Variants in DYNC2H1 observed in about 807,000 individuals in gnomAD.
DYNC2H1 encodes dynein cytoplasmic 2 heavy chain 1.
Under a neutral mutation model 570.0 loss-of-function variants are expected in DYNC2H1, and 410 were observed. The observed-to-expected ratio is 0.72, with a 90% CI of 0.66 to 0.78. The LOEUF (loss-of-function observed/expected upper bound fraction) is 0.78. Among genes scored for constraint, DYNC2H1 ranks in the 30% least tolerant of loss-of-function variants. DYNC2H1 has a pLI of 0.00. For missense variants in DYNC2H1, 4,865 were observed against 5,046.4 expected (o/e 0.96, Z 1.09); for synonymous variants, 1,688 against 1,677.6 (o/e 1.01, Z -0.15).
intron 84 of DYNC2H1, among the ~76,000 whole-genome samples, chr11:103,427,751 T>G (rs1319342667): frequency 6.6e-6 from 1 of 152,124 alleles, no homozygotes; most frequent in East Asian, 1.9e-4. Flanking sequence ...TCCATTCTCA[T>G]GAGCTTATTA....
chr11:103,385,587 G>A lies in DYNC2H1; in HGVS notation c.12157-14076G>A, dbSNP rs531382834. Among the ~76,000 whole-genome samples the A allele has an allele frequency of 5.9e-5, 9 of 152,208 alleles. No homozygotes were observed. The South Asian group carries it at 1.4e-3, about 25-fold the overall frequency. On this transcript the variant is annotated intron_variant, in intron 83 of 88. Coordinates refer to ENST00000375735, the MANE Select transcript of DYNC2H1 (RefSeq NM_001377.3). ...AAAACTTATATTAGCTTCCAGAAAA[G>A]GGCCAAAGGGCCTAAAATCCTATAT...
chr11:103,121,407 A>G lies in DYNC2H1; in HGVS notation c.1396A>G (p.Ile466Val). 1.2e-6 allele frequency: 2 copies of G among 1,612,902 alleles called. No individual in the cohort carries two copies. The highest frequency in any genetic ancestry group is 1.1e-5 in the South Asian group (1 of 90,776). The change falls in exon 10 of 89, where the codon ATT becomes GTT. Residue 466 changes from isoleucine (I) to valine (V), a missense_variant. Ile to Val is a conservative substitution (Grantham distance 29). Around this residue, in one of 5 missense-constraint regions of DYNC2H1, gnomAD observed 1,936 missense variants for 1,962.1 expected, o/e 0.99. Coordinates refer to ENST00000375735, the MANE Select transcript of DYNC2H1 (RefSeq NM_001377.3). ...AGACTTTGAGAATCGGTGCCGAGGA[A>G]TTCCTGGTGATGCATCTGGACCACT... ...RLDFENRCRG[I>V]PGDASGPLSG...
intron 78 of DYNC2H1, among the ~76,000 whole-genome samples, chr11:103,308,304 A>G (rs1565482966): frequency 6.6e-6 from 1 of 152,174 alleles, no homozygotes; most frequent in Non-Finnish European, 1.5e-5. Flanking sequence ...TAATGTCCTC[A>G]AGGTTCATCC....
At position 103,203,299 on chromosome 11, in the gene DYNC2H1, T is replaced by C. The variant is rs1442320149; in HGVS notation, c.8198-364T>C. On this transcript the variant is annotated intron_variant, in intron 50 of 88. Transcript: ENST00000375735. This position sits in a 1 kb window ranked among gnomAD's most constrained non-coding sequence, Gnocchi z 4.7. ...TAGCATCTTGAAGGATAAGAATTTA[T>C]TGGGTATCAAGATAAGGGGCAGAGG... Among the ~76,000 whole-genome samples, 4 of 152,180 alleles carry C rather than the reference T, an allele frequency of 2.6e-5. No homozygotes were observed. The highest frequency in any genetic ancestry group is 1.3e-4 in the Admixed American group (2 of 15,262).
At chr11:103,214,447 T>TTC (rs202084724) in intron 54 of DYNC2H1, among the ~76,000 whole-genome samples, 505 of 2,034 alleles carry the variant, frequency 0.25, 5 homozygotes, top group Admixed American at 0.45. Context: ...CTTCTTCTTC[T>TTC]TTTTTTTTTT....
chr11:103,139,120 C>T (rs1302762737), intron 17 of DYNC2H1, among the ~76,000 whole-genome samples: 1 of 151,834 alleles, frequency 6.6e-6, no homozygotes, highest in East Asian at 1.9e-4. Flanking sequence ...CTTTATTAGT[C>T]TTGCTAGCGG....
At chr11:103,219,885 G>T (rs935862162) in intron 55 of DYNC2H1, 30 bp from the exon 56 acceptor site, 2 of 1,263,394 alleles carry the variant, frequency 1.6e-6, no homozygotes, top group African/African-American at 1.6e-5. Context: ...CATTAAAATT[G>T]ATTGGAATGC....
chr11:103,191,991 C>A lies in DYNC2H1; in HGVS notation c.7541-106C>A, dbSNP rs559930227. 4.3e-5 allele frequency: 38 copies of A among 884,202 alleles called. 1 individual carries two copies. In the East Asian group the frequency reaches 1.0e-3, roughly 24 times the overall value. The allele number at this position is 884,202 out of a possible 1,614,324, so 54.8% of individuals were successfully genotyped here. A position where few individuals can be genotyped will look rare whatever the true frequency, so the allele number is the denominator to read the frequency against. On this transcript the variant is annotated intron_variant, in intron 46 of 88. Coordinates refer to ENST00000375735, the MANE Select transcript of DYNC2H1 (RefSeq NM_001377.3). ...TTTCCTTTCTTCCATTTATCTGATGCCAAAATTATGGTATGTAGACACCTG... is the reference window on the plus strand; with the variant it reads ...TTTCCTTTCTTCCATTTATCTGATGACAAAATTATGGTATGTAGACACCTG...
At chr11:103,122,739 C>T (rs759017098) in intron 10 of DYNC2H1, 86 bp from the exon 11 acceptor site, 11 of 1,123,546 alleles carry the variant, frequency 9.8e-6, no homozygotes, top group Non-Finnish European at 1.4e-5. Context: ...ATTTCTGAAT[C>T]ACAGATCAGA....
rs958944881 is a variant in DYNC2H1 at position 103,189,661 on chromosome 11, A to T, written c.7293-11A>T. ...TATTTCAGCTTTCTTCTTATATGCC[A>T]TTTTTTTTAGTTACCCAGAAAGAGA... On this transcript the variant is annotated splice_polypyrimidine_tract_variant and intron_variant, in intron 44 of 88. Coordinates refer to ENST00000375735, the MANE Select transcript of DYNC2H1 (RefSeq NM_001377.3). The surrounding 1 kb of genome is among the most constrained non-coding windows in gnomAD (Gnocchi z 4.3). 39 of 1,607,806 alleles carry T rather than the reference A, an allele frequency of 2.4e-5. No individual in the cohort carries two copies. Among genetic ancestry groups the T allele is most frequent in the Non-Finnish European group, 3.1e-5 (37 of 1,176,518 alleles).
At chr11:103,388,790 T>C (rs1263783499) in intron 83 of DYNC2H1, among the ~76,000 whole-genome samples, 1 of 152,244 alleles carries the variant, frequency 6.6e-6, no homozygotes, top group Non-Finnish European at 1.5e-5. Flanking sequence ...GTTCTGTTTA[T>C]ATGCTGGATT....
rs1318932003 is a variant in DYNC2H1 at position 103,204,313 on chromosome 11, A to G, written c.8312-509A>G. On this transcript the variant is annotated intron_variant, in intron 51 of 88. Coordinates refer to ENST00000375735, the MANE Select transcript of DYNC2H1 (RefSeq NM_001377.3). This position sits in a 1 kb window ranked among gnomAD's most constrained non-coding sequence, Gnocchi z 4.1. ...GGGTAGGGACACAGAGCCAAACCAT[A>G]TCAATACCTTAGCAAAATTTTAGCA... Among the ~76,000 whole-genome samples the G allele has an allele frequency of 6.6e-6, 1 of 152,190 alleles. No homozygotes were observed. The highest frequency in any genetic ancestry group is 1.5e-5 in the Non-Finnish European group (1 of 68,020).
Position 103,123,001 on chromosome 11 carries a change from G to C in DYNC2H1, c.1661+1G>C. 2.7e-6 allele frequency: 4 copies of C among 1,502,418 alleles called. No homozygotes were observed. Among genetic ancestry groups the C allele is most frequent in the Non-Finnish European group, 3.6e-6 (4 of 1,115,876 alleles). 93.1% of individuals were successfully genotyped at this position (1,502,418 alleles called of 1,614,324 possible). ...TATCTGATTCCAGATCTGGTTTGTG[G>C]TAAGTATAGATATATTAAACTGTAA... On this transcript the variant is annotated splice_donor_variant, in intron 11 of 88. Transcript: ENST00000375735. LOFTEE classifies it high-confidence loss of function.
intron 83 of DYNC2H1, among the ~76,000 whole-genome samples, chr11:103,375,820 G>C (rs1941368048): frequency 6.6e-6 from 1 of 152,142 alleles, no homozygotes; most frequent in South Asian, 2.1e-4. Context: ...TGAGACTTTG[G>C]TCTTGGACTT....
Position 103,155,482 on chromosome 11 carries a change from C to T in DYNC2H1, c.3725C>T (p.Ala1242Val). 6.2e-7 allele frequency: 1 copy of T among 1,608,780 alleles called. No individual in the cohort carries two copies. Among genetic ancestry groups the T allele is most frequent in the Non-Finnish European group, 8.5e-7 (1 of 1,177,790 alleles). The change falls in exon 25 of 89, where the codon GCC becomes GTC. Residue 1242 changes from alanine (A) to valine (V), a missense_variant. Coordinates refer to ENST00000375735, the MANE Select transcript of DYNC2H1 (RefSeq NM_001377.3). ...DLLRVADTIVAKAADLKDLNS... is the reference protein window; with the variant it reads ...DLLRVADTIVVKAADLKDLNS... Reference sequence around the variant, plus strand: ...CTCAGAGTAGCTGATACAATTGTAGCCAAAGCTGCCGACCTTAAAGTATGA... The same window carrying T: ...CTCAGAGTAGCTGATACAATTGTAGTCAAAGCTGCCGACCTTAAAGTATGA...
At chr11:103,457,596 A>G (rs939696646) in intron 87 of DYNC2H1, among the ~76,000 whole-genome samples, 1 of 152,188 alleles carries the variant, frequency 6.6e-6, no homozygotes, top group Non-Finnish European at 1.5e-5. Context: ...CTATTTTTAT[A>G]CTTTTTGACT....
chr11:103,455,325 G>T, intron 86 of DYNC2H1, 30 bp downstream of exon 86: 2 of 1,581,716 alleles, frequency 1.3e-6, no homozygotes, highest in South Asian at 1.1e-5. Context: ...TTACCTATTT[G>T]TCCCTGACGG....
intron 83 of DYNC2H1, among the ~76,000 whole-genome samples, chr11:103,360,478 A>T (rs2135531027): frequency 6.6e-6 from 1 of 152,264 alleles, no homozygotes; most frequent in African/African-American, 2.4e-5. Context: ...TAATATATGT[A>T]AAGCTTTTAT....
Position 103,197,961 on chromosome 11 carries a change from G to C in DYNC2H1, c.7737G>C (p.Arg2579=). ...GTTTCTACGTTACATGGGGAGCTCG[G>C]CATAATTCAGGAGCAAGGGCAGCCC... The part of the protein sequence containing the change: ...SDSFYVTWGA[R]HNSGARAAPG... The change falls in exon 48 of 89, where the codon CGG becomes CGC. Residue 2579 remains arginine (R), a synonymous_variant. Coordinates refer to ENST00000375735, the MANE Select transcript of DYNC2H1 (RefSeq NM_001377.3). 1 of 1,569,632 alleles carries C rather than the reference G, an allele frequency of 6.4e-7. No individual in the cohort carries two copies. Among genetic ancestry groups the C allele is most frequent in the Admixed American group, 1.9e-5 (1 of 53,556 alleles).
Sources: allele counts gnomAD v4.1 joint callset (sites outside exome capture counted in the v4.1 genomes callset), GRCh38; gene constraint gnomAD v4.1.1; regional missense constraint gnomAD v4.1.1; non-coding constraint Gnocchi (gnomAD v3.1); transcripts MANE v1.5; gene names NCBI Gene and HGNC (gene_info 2026-07-23, HGNC 2026-07-21).